The following SLC35F5 variants were observed in gnomAD, a reference collection of about 807,000 sequenced individuals.
SLC35F5 encodes the protein solute carrier family 35 member F5.
SLC35F5 carries 54 observed loss-of-function variants against 68.6 expected under a neutral mutation model. The observed-to-expected ratio is 0.79, with a 90% confidence interval of 0.63 to 0.99. The LOEUF (loss-of-function observed/expected upper bound fraction) is 0.99. Among genes scored for constraint, SLC35F5 ranks in the 50% least tolerant of loss-of-function variants. The pLI is 0.00. For synonymous variants in SLC35F5, 211 were observed against 205.2 expected (o/e 1.03, Z -0.24); for missense variants, 567 against 626.9 (o/e 0.90, Z 1.02).
chr2:113,723,283 C>T, intron 12 of SLC35F5, 89 bp from the exon 13 acceptor site: 1 of 748,730 alleles, frequency 1.3e-6, no homozygotes. Context: ...ATAATATAGG[C>T]CTGTGAGATC....
intron 15 of SLC35F5, 28 bp downstream of exon 15, chr2:113,717,725 C>T: frequency 7.1e-7 from 1 of 1,411,472 alleles, no homozygotes; most frequent in South Asian, 1.2e-5. Context: ...GAACCTTATT[C>T]AATACTAAAC....
At chr2:113,718,921 GAAAGAAAAAGAAAGGAAGA>G (rs1687305560) in intron 14 of SLC35F5, among the ~76,000 whole-genome samples, 1 of 67,782 alleles carries the variant, frequency 1.5e-5, no homozygotes. Flanking sequence ...AAGAAAGAAA[GAAAGAAAAAGAAAGGAAGA>G]AAGGAAGGAA....
chr2:113,740,233 T>A (rs1000342936), intron 7 of SLC35F5, among the ~76,000 whole-genome samples: 5 of 152,140 alleles, frequency 3.3e-5, no homozygotes, highest in African/African-American at 1.2e-4. Context: ...AACGTGATGA[T>A]TGTATCAGAA....
At chr2:113,716,065 A>T in intron 15 of SLC35F5, among the ~76,000 whole-genome samples, 1 of 152,228 alleles carries the variant, frequency 6.6e-6, no homozygotes, top group Non-Finnish European at 1.5e-5. Flanking sequence ...TACAGGCATG[A>T]GTCACTATGC....
downstream of SLC35F5, among the ~76,000 whole-genome samples, chr2:113,704,680 G>A (rs982639955): frequency 1.3e-5 from 2 of 151,804 alleles, no homozygotes; most frequent in Non-Finnish European, 2.9e-5. Context: ...GGGCCGGCAG[G>A]GCCTGCCGGC....
chr2:113,746,740 C>G lies in SLC35F5; in HGVS notation c.418-401G>C, dbSNP rs557335721. Among the ~76,000 whole-genome samples, 39 of 152,154 alleles carry G rather than the reference C, an allele frequency of 2.6e-4. No homozygotes were observed. The South Asian group carries it at 4.4e-3, about 17-fold the overall frequency. Reference sequence around the variant, plus strand: ...AGGAGTTCAAGACTAGCCTGACCAACATGGTAAAACCCTGTCTCTACTAAA... The same window carrying G: ...AGGAGTTCAAGACTAGCCTGACCAAGATGGTAAAACCCTGTCTCTACTAAA... On this transcript the variant is annotated intron_variant, in intron 4 of 15. Transcript: ENST00000245680.
chr2:113,734,515 G>T (rs1404278084), intron 9 of SLC35F5, 71 bp downstream of exon 9: 2 of 856,478 alleles, frequency 2.3e-6, no homozygotes, highest in Non-Finnish European at 3.7e-6. Context: ...AAACTACCCT[G>T]GTGCCACTAT....
chr2:113,756,457 C>A lies in SLC35F5; in HGVS notation c.-48G>T, dbSNP rs764204085. 13 of 1,536,640 alleles carry A rather than the reference C, an allele frequency of 8.5e-6. No homozygotes were observed. In the East Asian group the frequency reaches 2.7e-4, roughly 32 times the overall value. ...AGCCGCCCAGCGCCACGGCCGCGGC[C>A]TCGGACTCACAGAGCTGTCACCGCG... On this transcript the variant is annotated 5_prime_UTR_variant, in exon 1 of 16. In the 5' UTR this introduces an upstream ATG that the reference lacks. Coordinates refer to ENST00000245680, the MANE Select transcript of SLC35F5 (RefSeq NM_025181.5).
intron 11 of SLC35F5, 82 bp from the exon 12 acceptor site, chr2:113,725,619 A>G: frequency 7.4e-7 from 1 of 1,342,318 alleles, no homozygotes; most frequent in East Asian, 2.5e-5. Flanking sequence ...TCAAAATTAG[A>G]TTTTGCACAA....
chr2:113,738,151 G>A (rs1688161252), intron 7 of SLC35F5, among the ~76,000 whole-genome samples: 1 of 151,884 alleles, frequency 6.6e-6, no homozygotes, highest in Non-Finnish European at 1.5e-5. Context: ...CAAATTACAA[G>A]TAAAGAATAT....
In SLC35F5 at chr2:113,746,274, T is replaced by C. The variant is rs1432160715; in HGVS notation, c.480+3A>G. On this transcript the variant is annotated splice_donor_region_variant and intron_variant, in intron 5 of 15. Transcript: ENST00000245680. ...TATTCCTGACAAGAAAAGAAGCACT[T>C]ACCAAAGAACTATTCATAGTTGTAT... The C allele has an allele frequency of 6.2e-7, 1 of 1,611,968 alleles. No individual in the cohort carries two copies. The highest frequency in any genetic ancestry group is 8.5e-7 in the Non-Finnish European group (1 of 1,178,904).
At chr2:113,723,814 T>C (rs1192315142) in intron 12 of SLC35F5, among the ~76,000 whole-genome samples, 1 of 152,228 alleles carries the variant, frequency 6.6e-6, no homozygotes, top group African/African-American at 2.4e-5. Context: ...ATTAACAATG[T>C]GGGTATGAAA....
chr2:113,740,665 C>T (rs528471907), intron 7 of SLC35F5, among the ~76,000 whole-genome samples: 2 of 152,164 alleles, frequency 1.3e-5, no homozygotes, highest in South Asian at 2.1e-4. Context: ...CTCGCTCAGT[C>T]GCCCAGGCTG....
At chr2:113,718,666 A>C (rs1374509013) in intron 14 of SLC35F5, among the ~76,000 whole-genome samples, 2 of 151,968 alleles carry the variant, frequency 1.3e-5, no homozygotes, top group Non-Finnish European at 2.9e-5. Flanking sequence ...ATGGTGGTGC[A>C]TGCCTGTAAT....
At chr2:113,756,163 G>A (rs914229576) in intron 1 of SLC35F5, 1 of 1,453,118 alleles carries the variant, frequency 6.9e-7, no homozygotes, top group African/African-American at 1.4e-5. Flanking sequence ...GCCGAGGCGA[G>A]GGCGCACGCA....
At chr2:113,718,537 A>T (rs1207609453) in intron 14 of SLC35F5, among the ~76,000 whole-genome samples, 2 of 152,030 alleles carry the variant, frequency 1.3e-5, no homozygotes, top group Non-Finnish European at 2.9e-5. Context: ...TGTGAATCAT[A>T]TTTTTTTTAA....
At chr2:113,721,971 C>CTTTTTTTTTTTTTTTTTTTTTTTTTTTTT (rs71297192) in intron 13 of SLC35F5, among the ~76,000 whole-genome samples, 1 of 107,660 alleles carries the variant, frequency 9.3e-6, no homozygotes, top group African/African-American at 3.5e-5. Context: ...TTGCTTTTAT[C>CTTTTTTTTTTTTTTTTTTTTTTTTTTTTT]TTTTTTTTTT....
At chr2:113,724,341 T>C (rs1016958751) in intron 12 of SLC35F5, among the ~76,000 whole-genome samples, 2 of 152,158 alleles carry the variant, frequency 1.3e-5, no homozygotes, top group African/African-American at 4.8e-5. Context: ...TTGTCATCTG[T>C]TAATAGTTAA....
chr2:113,735,923 C>G (rs1166723729), intron 7 of SLC35F5, 65 bp from the exon 8 acceptor site: 5 of 1,016,626 alleles, frequency 4.9e-6, no homozygotes, highest in Non-Finnish European at 7.5e-6. Flanking sequence ...CATTACAATT[C>G]AGAATTCCCT....
Sources: allele counts gnomAD v4.1 joint callset (sites outside exome capture counted in the v4.1 genomes callset), GRCh38; gene constraint gnomAD v4.1.1; transcripts MANE v1.5; gene names NCBI Gene and HGNC (gene_info 2026-07-23, HGNC 2026-07-21).